GAS6: variants seen among roughly 807,000 people sequenced by gnomAD.
GAS6 encodes the protein growth arrest specific 6.
GAS6 carries 41 observed loss-of-function variants against 75.8 expected under a neutral mutation model. The ratio of observed to expected loss-of-function variants is 0.54; its 90% CI spans 0.42 to 0.70. The LOEUF is 0.70. Ranked by LOEUF, GAS6 falls within the 30% of genes least tolerant of loss-of-function variation. The pLI, the probability that GAS6 is intolerant of heterozygous loss-of-function variation, is 0.00. For synonymous variants in GAS6, 432 were observed against 412.6 expected, an observed-to-expected ratio of 1.05 and a Z score of -0.57; for missense variants, 854 against 940.2, an observed-to-expected ratio of 0.91 and a Z score of 1.20.
intron 4 of GAS6, chr13:113,843,230 G>A (rs988461995): frequency 1.3e-4 from 26 of 194,146 alleles, no homozygotes; most frequent in South Asian, 9.6e-4. Context: ...GGTATCGGTG[G>A]CCTGGCTGGT....
exon 1 of GAS6, chr13:113,864,058 CACCTCAAGCGCTCGGTCTGGGCGTGTTCG>C: frequency 1.1e-6 from 1 of 896,110 alleles, no homozygotes; most frequent in Non-Finnish European, 1.3e-6. Flanking sequence ...GCGGCTGCGG[CACCTCAAGCGCTCGGTCTGGGCGTGTTCG>C]GGCGGCTGCG....
chr13:113,835,816 T>G, intron 6 of GAS6, 181 bp from the exon 7 acceptor site: 1 of 1,399,686 alleles, frequency 7.1e-7, no homozygotes, highest in East Asian at 2.7e-5. Flanking sequence ...CCCGGGGTGT[T>G]GGTGCACGCT....
intron 3 of GAS6, 134 bp from the exon 4 acceptor site, chr13:113,846,723 C>A: frequency 1.4e-6 from 1 of 706,630 alleles, no homozygotes; most frequent in Non-Finnish European, 2.5e-6. Context: ...AGAAACAATG[C>A]CGCTTAGCTT....
chr13:113,831,288 A>C (rs1330476838), intron 10 of GAS6, among the ~76,000 whole-genome samples: 7 of 151,354 alleles, frequency 4.6e-5, no homozygotes, highest in Non-Finnish European at 1.0e-4. Context: ...GGTCACCTGG[A>C]CCCTTGGCAT....
chr13:113,863,891 G>A lies in GAS6; in HGVS notation c.30C>T (p.Ala10=). ...GCAGCTGCGGCGCGCGGCGCAGGGC[G>A]GCGGGCCCGGGCGAGAGCGAAGGGG... MAPSLSPGP[A]ALRRAPQLLL... The change falls in exon 1 of 15, where the codon GCC becomes GCT. Residue 10 remains alanine (A), a synonymous_variant. Coordinates refer to ENST00000327773, the MANE Select transcript of GAS6 (RefSeq NM_000820.4). The surrounding 1 kb of genome is among the most constrained non-coding windows in gnomAD (Gnocchi z 9.4). The A allele has an allele frequency of 8.4e-7, 1 of 1,190,102 alleles. No homozygotes were observed. Among genetic ancestry groups the A allele is most frequent in the African/African-American group, 1.6e-5 (1 of 62,350 alleles). 73.7% of individuals were successfully genotyped at this position (1,190,102 alleles called of 1,614,324 possible).
At chr13:113,842,674 T>C (rs1409362720) in intron 4 of GAS6, 3 of 397,016 alleles carry the variant, frequency 7.6e-6, no homozygotes, top group South Asian at 1.3e-4. Flanking sequence ...GCAGGCGGCC[T>C]GTGCAGGGCC....
In GAS6 at chr13:113,823,534, G is replaced by A. The variant is rs141432096; in HGVS notation, c.1494C>T (p.Asp498=). Residue 498 remains aspartate, a synonymous_variant, in exon 13 of 15, where the codon GAC becomes GAT. Transcript: ENST00000327773. ...YSLDYMRTPL[D]VGTESTWEVE... ...CTTCCCAGGTTGATTCAGTCCCGAC[G>A]TCCAGAGGGGTCCGCACTGCAATGA... 1.6e-5 allele frequency: 26 copies of A among 1,611,704 alleles called. No individual in the cohort carries two copies. The African/African-American group carries it at 2.4e-4, about 15-fold the overall frequency.
chr13:113,827,193 T>A (rs747255951), intron 11 of GAS6, 29 bp from the exon 12 acceptor site: 1 of 1,605,460 alleles, frequency 6.2e-7, no homozygotes, highest in Admixed American at 1.7e-5. Flanking sequence ...CTCCGTGGCT[T>A]CCTGGGAGCG....
In GAS6 at chr13:113,827,231, G is replaced by A. The variant is rs78449985; in HGVS notation, c.1309-67C>T. On this transcript the variant is annotated intron_variant, in intron 11 of 14. Coordinates refer to ENST00000327773, the MANE Select transcript of GAS6 (RefSeq NM_000820.4). ...AAGCCCCATGCCGGATGCCCCAGTCGGTGGGTGGCGCCTTCGCGGCCCTGG... is the reference window on the plus strand; with the variant it reads ...AAGCCCCATGCCGGATGCCCCAGTCAGTGGGTGGCGCCTTCGCGGCCCTGG... The A allele has an allele frequency of 1.7e-3, 2,656 of 1,543,332 alleles. 41 individuals are homozygous for A. The African/African-American group carries it at 0.031, about 18-fold the overall frequency.
intron 8 of GAS6, chr13:113,833,442 C>T: frequency 2.0e-6 from 2 of 992,084 alleles, no homozygotes; most frequent in Non-Finnish European, 2.4e-6. Context: ...TGACTCTTTC[C>T]ACCTGTGGTT....
chr13:113,832,577 T>C, intron 9 of GAS6, 57 bp downstream of exon 9: 2 of 1,606,740 alleles, frequency 1.2e-6, no homozygotes, highest in Non-Finnish European at 8.5e-7. Flanking sequence ...CCGGGCCCTG[T>C]GAAGCCAGTG....
Position 113,844,906 on chromosome 13 carries a change from C to T in GAS6, c.343+1621G>A, listed in dbSNP as rs941025867. 6.6e-6 allele frequency: 1 copy of T among 150,750 alleles called. No homozygotes were observed. Among genetic ancestry groups the T allele is most frequent in the East Asian group, 1.9e-4 (1 of 5,194 alleles). 9.3% of individuals were successfully genotyped at this position (150,750 alleles called of 1,614,324 possible). A position where few individuals can be genotyped will look rare whatever the true frequency, so the allele number is the denominator to read the frequency against. ...TACGGGCGGGTCACAGATGAAAACA[C>T]CTAACAGCAGGTAACTGTTTTGTAA... On this transcript the variant is annotated intron_variant, in intron 4 of 14. Coordinates refer to ENST00000327773, the MANE Select transcript of GAS6 (RefSeq NM_000820.4). This position sits in a 1 kb window ranked among gnomAD's most constrained non-coding sequence, Gnocchi z 5.7.
rs2051727885 is a variant in GAS6, at chr13:113,837,321, C to T, written c.589+748G>A. 6.6e-6 allele frequency among the ~76,000 whole-genome samples: 1 copy of T among 152,110 alleles called. No individual in the cohort carries two copies. The highest frequency in any genetic ancestry group is 1.5e-5 in the Non-Finnish European group (1 of 68,008). On this transcript the variant is annotated intron_variant, in intron 6 of 14. Transcript: ENST00000327773. This position sits in a 1 kb window ranked among gnomAD's most constrained non-coding sequence, Gnocchi z 5.1. ...GTCTGGTCAGATTCACTCTCCAGAT[C>T]CTGGGGCTGTTTCTCCCTGAGCAAC...
chr13:113,861,746 G>A (rs989019528), intron 2 of GAS6, among the ~76,000 whole-genome samples: 1 of 152,140 alleles, frequency 6.6e-6, no homozygotes, highest in African/African-American at 2.4e-5. Flanking sequence ...TCCACCTGCC[G>A]GCAGGAACCG....
intron 12 of GAS6, among the ~76,000 whole-genome samples, 167 bp downstream of exon 12, chr13:113,826,829 G>T (rs1356409721): frequency 1.3e-5 from 2 of 152,134 alleles, no homozygotes; most frequent in Admixed American, 1.3e-4. Flanking sequence ...CTGAGAGGTG[G>T]GCCTCTGCCC....
chr13:113,842,373 CAG>C lies in GAS6; in HGVS notation c.344-2525_344-2524del, dbSNP rs796702522. 348 of 391,094 alleles carry C rather than the reference CAG, an allele frequency of 8.9e-4. 36 individuals are homozygous for C. Among genetic ancestry groups the C allele is most frequent in the African/African-American group, 6.9e-3 (323 of 46,784 alleles). The allele number at this position is 391,094 out of a possible 1,614,324, so 24.2% of individuals were successfully genotyped here. On this transcript the variant is annotated intron_variant, in intron 4 of 14. Transcript: ENST00000327773. ...TAAACGCTTTCTACTCTGAAGCACA[CAG>C]GGGCTGGGGCTGGCCTTCGGAGTTA... is the stretch of plus-strand genomic sequence containing the variant.
Position 113,842,998 on chromosome 13 carries a change from G to A in GAS6, c.344-3148C>T, listed in dbSNP as rs943320969. The A allele has an allele frequency of 2.7e-4, 108 of 395,356 alleles. 5 individuals carry two copies. The highest frequency in any genetic ancestry group is 1.9e-3 in the African/African-American group (91 of 47,162). The allele number at this position is 395,356 out of a possible 1,614,324, so 24.5% of individuals were successfully genotyped here. On this transcript the variant is annotated intron_variant, in intron 4 of 14. Transcript: ENST00000327773. ...AACTCATTTGTTTATTTCCCTGTTG[G>A]GAATGTATTGATACCTCTAGGATGC...
chr13:113,834,484 G>GAA lies in GAS6; in HGVS notation c.834+65_834+66dup. On this transcript the variant is annotated intron_variant, in intron 8 of 14. Transcript: ENST00000327773. Reference sequence around the variant, plus strand: ...AGGTCTTCACGGAAGTGTTTCTCCCGAAAGCCCCCACCGGCGAGGGCCCCC... The same window carrying GAA: ...AGGTCTTCACGGAAGTGTTTCTCCCGAAAAAGCCCCCACCGGCGAGGGCCCCC... 3.6e-6 allele frequency: 5 copies of GAA among 1,404,476 alleles called. No homozygotes were observed. In the South Asian group the frequency reaches 6.3e-5, roughly 18 times the overall value. The allele number at this position is 1,404,476 out of a possible 1,614,324, so 87.0% of individuals were successfully genotyped here. A position where few individuals can be genotyped will look rare whatever the true frequency, so the allele number is the denominator to read the frequency against.
Position 113,859,599 on chromosome 13 carries a change from AGTATGTGTGTGCCTG to A in GAS6, c.255+3961_255+3975del, listed in dbSNP as rs1404442817. Among the ~76,000 whole-genome samples the A allele has an allele frequency of 1.3e-4, 20 of 150,146 alleles. No individual in the cohort carries two copies. The South Asian group carries it at 4.6e-3, about 35-fold the overall frequency. ...GTGCATACGTATGTACATGTCTGTT[AGTATGTGTGTGCCTG>A]TGTGTGTGCATGTATATCTGTGTCT... On this transcript the variant is annotated intron_variant, in intron 2 of 14. Transcript: ENST00000327773.
Sources: allele counts gnomAD v4.1 joint callset (sites outside exome capture counted in the v4.1 genomes callset), GRCh38; gene constraint gnomAD v4.1.1; non-coding constraint Gnocchi (gnomAD v3.1); transcripts MANE v1.5; gene names NCBI Gene and HGNC (gene_info 2026-07-23, HGNC 2026-07-21).